NELL2: variants seen among roughly 807,000 people sequenced by gnomAD.
NELL2 encodes the protein protein kinase C-binding protein NELL2.
In NELL2, 41 loss-of-function variants were observed where a neutral mutation model predicts 109.6. The ratio of observed to expected loss-of-function variants is 0.37; its 90% CI spans 0.29 to 0.49. The LOEUF (loss-of-function observed/expected upper bound fraction) is 0.49, where lower values mean the gene tolerates loss of function less well. Among genes scored for constraint, NELL2 ranks in the 20% least tolerant of loss-of-function variants. The probability of loss-of-function intolerance (pLI) is 0.98; values close to 1 mark genes in which losing one functional copy is unlikely to be tolerated. For missense variants in NELL2, 900 were observed against 1,008.3 expected, an observed-to-expected ratio of 0.89 and a Z score of 1.45; for synonymous variants, 355 against 344.7, an observed-to-expected ratio of 1.03 and a Z score of -0.33.
chr12:44,874,748 T>C (rs557222349), intron 2 of NELL2, among the ~76,000 whole-genome samples: 7 of 152,236 alleles, frequency 4.6e-5, no homozygotes, highest in Admixed American at 2.6e-4. Flanking sequence ...GACTGTGATA[T>C]GCAGTAAGTA....
chr12:44,564,339 G>T (rs1040266486), intron 15 of NELL2, among the ~76,000 whole-genome samples: 2 of 152,126 alleles, frequency 1.3e-5, no homozygotes, highest in African/African-American at 4.8e-5. Context: ...ACACAGAATA[G>T]AAATATTGAA....
upstream of NELL2, chr12:44,876,927 TGGAGAGCTTCCCCGGCGC>T (rs1265620976): frequency 1.9e-5 from 24 of 1,233,298 alleles, no homozygotes; most frequent in African/African-American, 1.8e-4. Flanking sequence ...GGCGGGGCGC[TGGAGAGCTTCCCCGGCGC>T]GGAGAGCTTC....
At chr12:44,644,579 AGTATATATATATATATATATATATGTAT>A (rs1566076916) in intron 13 of NELL2, among the ~76,000 whole-genome samples, 9 of 70,088 alleles carry the variant, frequency 1.3e-4, no homozygotes, top group East Asian at 5.8e-4. Flanking sequence ...GACAAAGTAA[AGTATATATATATATATATATATATGTAT>A]GTATATATAT....
chr12:44,753,291 G>A (rs959882357), intron 9 of NELL2, among the ~76,000 whole-genome samples: 7 of 152,162 alleles, frequency 4.6e-5, no homozygotes, highest in East Asian at 1.9e-4. Context: ...TAAGCTCTAC[G>A]CAGGCCAGAT....
At chr12:44,542,611 A>G (rs544002208) in intron 15 of NELL2, among the ~76,000 whole-genome samples, 10 of 152,142 alleles carry the variant, frequency 6.6e-5, no homozygotes, top group Non-Finnish European at 1.3e-4. Flanking sequence ...TGGGCCCCAA[A>G]TCCAGTGACT....
At chr12:44,775,237 ATG>A (rs1941709083) in intron 8 of NELL2, among the ~76,000 whole-genome samples, 1 of 148,540 alleles carries the variant, frequency 6.7e-6, no homozygotes, top group Non-Finnish European at 1.5e-5. Flanking sequence ...GCACACACAC[ATG>A]CATGTGCGTG....
chr12:44,853,575 T>C (rs891514981), intron 2 of NELL2, among the ~76,000 whole-genome samples: 1 of 152,184 alleles, frequency 6.6e-6, no homozygotes, highest in African/African-American at 2.4e-5. Flanking sequence ...AGTGCTTTCC[T>C]GAGTTGGTTG....
intron 2 of NELL2, among the ~76,000 whole-genome samples, chr12:44,862,240 T>A (rs537145762): frequency 1.3e-5 from 2 of 152,336 alleles, no homozygotes; most frequent in African/African-American, 4.8e-5. Flanking sequence ...AACTTTGCCA[T>A]GAAATATCTT....
intron 12 of NELL2, among the ~76,000 whole-genome samples, chr12:44,682,950 T>C (rs906450361): frequency 1.3e-5 from 2 of 152,152 alleles, no homozygotes; most frequent in African/African-American, 4.8e-5. Flanking sequence ...TTCCAATTCT[T>C]TGAAGAAAGT....
At chr12:44,793,238 AACT>A (rs1160297633) in intron 3 of NELL2, among the ~76,000 whole-genome samples, 1 of 152,210 alleles carries the variant, frequency 6.6e-6, no homozygotes, top group African/African-American at 2.4e-5. Context: ...ATTATTTAGA[AACT>A]ACAAAGAATG....
chr12:44,583,316 T>A (rs1440891943), intron 15 of NELL2, among the ~76,000 whole-genome samples: 1 of 152,200 alleles, frequency 6.6e-6, no homozygotes, highest in East Asian at 1.9e-4. Flanking sequence ...TCACACTCTG[T>A]CACATTAGTC....
intron 9 of NELL2, among the ~76,000 whole-genome samples, chr12:44,735,024 T>A (rs140338382): frequency 6.6e-6 from 1 of 152,242 alleles, no homozygotes; most frequent in African/African-American, 2.4e-5. Context: ...GTATGATTAG[T>A]CTATTCATTA....
rs562784488 is a variant in NELL2 at position 44,658,539 on chromosome 12, C to T, written c.1444+6945G>A. 1.5e-4 allele frequency among the ~76,000 whole-genome samples: 23 copies of T among 152,142 alleles called. No individual in the cohort carries two copies. In the South Asian group the frequency reaches 4.3e-3, roughly 29 times the overall value. ...CCCAAAGTAATTTATAGATTCAATG[C>T]TATCTCCATCAAGCTACCATTGACT... is the stretch of plus-strand genomic sequence containing the variant. On this transcript the variant is annotated intron_variant, in intron 13 of 19. Coordinates refer to ENST00000429094, the MANE Select transcript of NELL2 (RefSeq NM_001145108.2).
chr12:44,759,717 A>G (rs192508001), intron 9 of NELL2, among the ~76,000 whole-genome samples: 2 of 152,328 alleles, frequency 1.3e-5, no homozygotes, highest in East Asian at 3.9e-4. Context: ...ACCATTGACC[A>G]TGTAGATCCT....
intron 2 of NELL2, among the ~76,000 whole-genome samples, chr12:44,836,526 C>A (rs1944059579): frequency 1.3e-5 from 2 of 152,118 alleles, no homozygotes; most frequent in Admixed American, 6.5e-5. Context: ...TAAGCAAGAA[C>A]AGGAACCTGA....
At chr12:44,833,396 T>A (rs1004446060) in intron 2 of NELL2, among the ~76,000 whole-genome samples, 1 of 152,200 alleles carries the variant, frequency 6.6e-6, no homozygotes, top group Non-Finnish European at 1.5e-5. Flanking sequence ...ATTTTCATTA[T>A]TTTTCAGTGT....
chr12:44,625,096 G>C (rs574465436), intron 13 of NELL2, among the ~76,000 whole-genome samples: 1 of 148,720 alleles, frequency 6.7e-6, no homozygotes, highest in Admixed American at 6.8e-5. Flanking sequence ...TTATTTTGGG[G>C]ATAGGAAAGT....
At chr12:44,693,677 T>G (rs1467452740) in intron 12 of NELL2, among the ~76,000 whole-genome samples, 2 of 152,188 alleles carry the variant, frequency 1.3e-5, no homozygotes, top group Non-Finnish European at 2.9e-5. Flanking sequence ...GAAATTGTTT[T>G]GAGTCTGAGA....
intron 2 of NELL2, among the ~76,000 whole-genome samples, chr12:44,835,835 C>T (rs1236745039): frequency 6.6e-6 from 1 of 152,166 alleles, no homozygotes; most frequent in African/African-American, 2.4e-5. Context: ...AAGCTAGATA[C>T]TGACAAAGGA....
Sources: gnomAD v4.1 joint callset for allele counts (sites outside exome capture counted in the v4.1 genomes callset) on GRCh38, gnomAD v4.1.1 for gene constraint, MANE v1.5 for transcripts, NCBI Gene and HGNC (gene_info 2026-07-23, HGNC 2026-07-21) for gene names.